Variants in DLG1 observed in about 807,000 individuals in gnomAD.
DLG1 encodes discs large MAGUK scaffold protein 1.
In DLG1, 42 loss-of-function variants were observed where a neutral mutation model predicts 123.4. The observed-to-expected ratio is 0.34, with a 90% CI of 0.27 to 0.44. The LOEUF is 0.44. Among genes scored for constraint, DLG1 ranks in the 20% least tolerant of loss-of-function variants. DLG1 has a pLI of 1.00. For synonymous variants in DLG1, 317 were observed against 356.2 expected, an observed-to-expected ratio of 0.89 and a Z score of 1.24; for missense variants, 942 against 1,082.6, an observed-to-expected ratio of 0.87 and a Z score of 1.82.
intron 23 of DLG1, among the ~76,000 whole-genome samples, chr3:197,059,393 ACT>A (rs1200015233): frequency 6.6e-6 from 1 of 152,162 alleles, no homozygotes; most frequent in Non-Finnish European, 1.5e-5. Flanking sequence ...CATATAATTT[ACT>A]TTTTTCTTCA....
chr3:197,226,839 T>C (rs1740225732), intron 4 of DLG1, among the ~76,000 whole-genome samples: 6 of 152,240 alleles, frequency 3.9e-5, no homozygotes, highest in Admixed American at 3.9e-4. Context: ...AATATTATTT[T>C]CTGTGCTTTG....
chr3:197,249,854 A>G (rs1753520426), intron 4 of DLG1, among the ~76,000 whole-genome samples: 1 of 152,234 alleles, frequency 6.6e-6, no homozygotes. Flanking sequence ...CACTTGATAA[A>G]ATTCAATATA....
At chr3:197,298,311 A>C in intron 1 of DLG1, 2 of 388,058 alleles carry the variant, frequency 5.2e-6, no homozygotes, top group Non-Finnish European at 9.1e-6. Flanking sequence ...TCCTAAGGGA[A>C]CCTCTTCGCT....
At chr3:197,140,720 C>T (rs1787529596) in intron 7 of DLG1, among the ~76,000 whole-genome samples, 2 of 152,130 alleles carry the variant, frequency 1.3e-5, no homozygotes, top group Non-Finnish European at 2.9e-5. Flanking sequence ...AAGGGGGTGG[C>T]GATGGTGCTT....
chr3:197,257,904 C>G (rs1410404809), intron 4 of DLG1, among the ~76,000 whole-genome samples: 1 of 152,156 alleles, frequency 6.6e-6, no homozygotes, highest in Non-Finnish European at 1.5e-5. Context: ...ACTGCCTGGC[C>G]TCTAACAATA....
chr3:197,173,825 G>A (rs2150053816), intron 5 of DLG1, among the ~76,000 whole-genome samples: 1 of 152,320 alleles, frequency 6.6e-6, no homozygotes, highest in South Asian at 2.1e-4. Flanking sequence ...TACAAGCCAG[G>A]CATGGTGGCT....
At chr3:197,266,844 T>A (rs1279467617) in intron 4 of DLG1, among the ~76,000 whole-genome samples, 2 of 151,906 alleles carry the variant, frequency 1.3e-5, no homozygotes, top group Non-Finnish European at 2.9e-5. Flanking sequence ...ACCAAACCAA[T>A]ATACAAGTAC....
At chr3:197,292,116 G>A (rs1775229828) in intron 3 of DLG1, among the ~76,000 whole-genome samples, 1 of 151,968 alleles carries the variant, frequency 6.6e-6, no homozygotes, top group African/African-American at 2.4e-5. Context: ...CCTATTTCTG[G>A]GTAAATATCC....
intron 4 of DLG1, among the ~76,000 whole-genome samples, chr3:197,256,528 T>C (rs2150917553): frequency 6.6e-6 from 1 of 152,374 alleles, no homozygotes; most frequent in African/African-American, 2.4e-5. Flanking sequence ...AGGTTTAAAT[T>C]TGCTCAACAG....
At chr3:197,295,560 C>T (rs943414512) in intron 3 of DLG1, among the ~76,000 whole-genome samples, 2 of 151,466 alleles carry the variant, frequency 1.3e-5, no homozygotes, top group Admixed American at 6.6e-5. Context: ...TTTGAGGTAC[C>T]TGGACAAAAG....
At chr3:197,188,822 A>T (rs1019398387) in intron 5 of DLG1, among the ~76,000 whole-genome samples, 1 of 152,246 alleles carries the variant, frequency 6.6e-6, no homozygotes, top group Non-Finnish European at 1.5e-5. Flanking sequence ...TTAAAAATTA[A>T]GATGAAAAAG....
intron 3 of DLG1, among the ~76,000 whole-genome samples, chr3:197,293,603 AG>A (rs368637492): frequency 7.1e-6 from 1 of 141,750 alleles, no homozygotes; most frequent in Non-Finnish European, 1.5e-5. Flanking sequence ...TATCAACTAC[AG>A]GGGGGGACAC....
At chr3:197,160,862 G>A (rs1219624431) in intron 5 of DLG1, among the ~76,000 whole-genome samples, 1 of 152,040 alleles carries the variant, frequency 6.6e-6, no homozygotes, top group Non-Finnish European at 1.5e-5. Flanking sequence ...AAATCTATGG[G>A]TTCATTTATT....
intron 5 of DLG1, among the ~76,000 whole-genome samples, chr3:197,182,892 AT>A (rs545840557): frequency 9.2e-5 from 14 of 152,008 alleles, no homozygotes; most frequent in African/African-American, 2.7e-4. Context: ...GTGTTATGTG[AT>A]TTTTTTTAAT....
At chr3:197,090,103 A>G (rs1756908971) in intron 15 of DLG1, among the ~76,000 whole-genome samples, 1 of 152,212 alleles carries the variant, frequency 6.6e-6, no homozygotes, top group Non-Finnish European at 1.5e-5. Context: ...TCTCATCAGA[A>G]GGATAAATGA....
At position 197,044,574 on chromosome 3, in the gene DLG1, G is replaced by T; in HGVS notation, c.*49C>A. The T allele has an allele frequency of 2.2e-6, 3 of 1,354,388 alleles. No individual in the cohort carries two copies. Among genetic ancestry groups the T allele is most frequent in the Non-Finnish European group, 3.1e-6 (3 of 952,442 alleles). 83.9% of individuals were successfully genotyped at this position (1,354,388 alleles called of 1,614,324 possible). ...ACTCCAGAGGAAAGGGCAAAGAGATGCCAAAGAAAATGGAATTGTGGAAAA... is the reference window on the plus strand; with the variant it reads ...ACTCCAGAGGAAAGGGCAAAGAGATTCCAAAGAAAATGGAATTGTGGAAAA... On this transcript the variant is annotated 3_prime_UTR_variant, in exon 25 of 25. Coordinates refer to ENST00000667157, the MANE Select transcript of DLG1 (RefSeq NM_001366207.1).
At chr3:197,080,101 G>T (rs1749911706) in intron 17 of DLG1, among the ~76,000 whole-genome samples, 1 of 151,490 alleles carries the variant, frequency 6.6e-6, no homozygotes, top group South Asian at 2.1e-4. Flanking sequence ...TTCCACTGCA[G>T]TGAGTTCAGG....
At chr3:197,132,204 A>G (rs555150786) in intron 10 of DLG1, among the ~76,000 whole-genome samples, 1 of 148,252 alleles carries the variant, frequency 6.7e-6, no homozygotes, top group Admixed American at 6.7e-5. Context: ...CATCTTTTCT[A>G]TTACCTATTT....
In DLG1 at chr3:197,090,915, A is replaced by G; in HGVS notation, c.1658T>C (p.Val553Ala). The G allele has an allele frequency of 1.3e-6, 2 of 1,596,462 alleles. No homozygotes were observed. Among genetic ancestry groups the G allele is most frequent in the Non-Finnish European group, 1.7e-6 (2 of 1,166,776 alleles). ...LRTSQKRSLY[V>A]RALFDYDKTK... ...AATTAGAAGTAAAAAAATTTACCTG[A>G]CATAGAGGGATCGCTTCTGGCTAGT... The change falls in exon 15 of 25, where the codon GTC becomes GCC. Residue 553 changes from valine (V) to alanine (A), a missense_variant. Coordinates refer to ENST00000667157, the MANE Select transcript of DLG1 (RefSeq NM_001366207.1).
Sources: gnomAD v4.1 joint callset for allele counts (sites outside exome capture counted in the v4.1 genomes callset) on GRCh38, gnomAD v4.1.1 for gene constraint, MANE v1.5 for transcripts, NCBI Gene and HGNC (gene_info 2026-07-23, HGNC 2026-07-21) for gene names.